ELOVL5: variants seen among roughly 807,000 people sequenced by gnomAD.
ELOVL5 encodes very long chain fatty acid elongase 5.
Under a neutral mutation model 38.6 loss-of-function variants are expected in ELOVL5, and 8 were observed. That is an observed-to-expected ratio of 0.21 (90% CI 0.12 to 0.37). The LOEUF is 0.37. ELOVL5 is among the 10% of genes least tolerant of loss of function. The pLI is 1.00. For missense variants in ELOVL5, 280 were observed against 367.8 expected, an observed-to-expected ratio of 0.76 and a Z score of 1.95; for synonymous variants, 127 against 133.7, an observed-to-expected ratio of 0.95 and a Z score of 0.34.
At chr6:53,295,752 T>C in intron 1 of ELOVL5, 45 bp from the exon 2 acceptor site, 16 of 1,179,834 alleles carry the variant, frequency 1.4e-5, no homozygotes, top group Middle Eastern at 2.0e-4. Flanking sequence ...ACTCAAAATG[T>C]TTTTTATACA....
chr6:53,319,270 C>CAAAAAAAAAAA (rs59435925), intron 1 of ELOVL5, among the ~76,000 whole-genome samples: 9 of 74,898 alleles, frequency 1.2e-4, no homozygotes, highest in Non-Finnish European at 2.1e-4. Context: ...GACTCCATCT[C>CAAAAAAAAAAA]AAAAAAAAAA....
intron 1 of ELOVL5, among the ~76,000 whole-genome samples, chr6:53,325,677 G>A (rs1274831169): frequency 6.6e-6 from 1 of 152,198 alleles, no homozygotes; most frequent in African/African-American, 2.4e-5. Context: ...TCACTTAAAA[G>A]ACTGGTAGGT....
At chr6:53,335,904 G>A (rs939180369) in intron 1 of ELOVL5, among the ~76,000 whole-genome samples, 1 of 152,182 alleles carries the variant, frequency 6.6e-6, no homozygotes, top group Non-Finnish European at 1.5e-5. Context: ...CTGCTCGGAA[G>A]ACTGAGGCCA....
At chr6:53,293,599 T>C (rs1010239418) in intron 2 of ELOVL5, among the ~76,000 whole-genome samples, 4 of 152,138 alleles carry the variant, frequency 2.6e-5, no homozygotes, top group South Asian at 4.2e-4. Flanking sequence ...ATTACAGGAG[T>C]GAACCACCAC....
chr6:53,331,300 T>G (rs1472222337), intron 1 of ELOVL5, among the ~76,000 whole-genome samples: 1 of 152,124 alleles, frequency 6.6e-6, no homozygotes, highest in East Asian at 1.9e-4. Flanking sequence ...CACTCCAGCA[T>G]GAATGACAGA....
rs147966428 is a variant in ELOVL5, at chr6:53,294,225, A to C, written c.58+1417T>G. 2.5e-4 allele frequency: 382 copies of C among 1,498,496 alleles called. 2 individuals carry two copies. In the East Asian group the frequency reaches 9.2e-3, roughly 36 times the overall value. The allele number at this position is 1,498,496 out of a possible 1,614,324, so 92.8% of individuals were successfully genotyped here. On this transcript the variant is annotated intron_variant, in intron 2 of 7. Coordinates refer to ENST00000304434, the MANE Select transcript of ELOVL5 (RefSeq NM_021814.5). ...CCTGACCCGAACTCCAGCCCCAGGTAGAGAATCCTTAGGATCTAGTCAATC... is the reference window on the plus strand; with the variant it reads ...CCTGACCCGAACTCCAGCCCCAGGTCGAGAATCCTTAGGATCTAGTCAATC...
At chr6:53,288,770 G>C (rs1766663708) in intron 3 of ELOVL5, among the ~76,000 whole-genome samples, 2 of 152,056 alleles carry the variant, frequency 1.3e-5, no homozygotes, top group South Asian at 4.1e-4. Flanking sequence ...CTTCTTTCAA[G>C]ACTTCTTCCT....
chr6:53,305,299 C>A (rs1370615218), intron 1 of ELOVL5, among the ~76,000 whole-genome samples: 1 of 142,022 alleles, frequency 7.0e-6, no homozygotes, highest in African/African-American at 2.7e-5. Context: ...CCCCTCACCT[C>A]CCGGACAGGG....
intron 1 of ELOVL5, among the ~76,000 whole-genome samples, chr6:53,321,717 C>G (rs1768310212): frequency 6.6e-6 from 1 of 152,290 alleles, no homozygotes; most frequent in African/African-American, 2.4e-5. Flanking sequence ...TAATGTAAAA[C>G]ACTATACTAG....
intron 7 of ELOVL5, among the ~76,000 whole-genome samples, chr6:53,269,787 T>C (rs773349553): frequency 3.9e-5 from 6 of 152,220 alleles, no homozygotes; most frequent in African/African-American, 1.4e-4. Flanking sequence ...TTGTAGCTGG[T>C]GTATGTCCCA....
At chr6:53,294,662 T>C (rs141728050) in intron 2 of ELOVL5, among the ~76,000 whole-genome samples, 99 of 152,336 alleles carry the variant, frequency 6.5e-4, no homozygotes, top group African/African-American at 2.3e-3. Context: ...AGTAAGGCAC[T>C]ATCCCAACCC....
intron 1 of ELOVL5, among the ~76,000 whole-genome samples, chr6:53,303,756 A>G (rs1029453496): frequency 2.0e-5 from 3 of 152,218 alleles, no homozygotes; most frequent in African/African-American, 7.2e-5. Flanking sequence ...AGAAGCCTCC[A>G]CTTCCTGCTC....
chr6:53,316,070 A>C (rs1273709166), intron 1 of ELOVL5, among the ~76,000 whole-genome samples: 1 of 152,226 alleles, frequency 6.6e-6, no homozygotes, highest in African/African-American at 2.4e-5. Context: ...GTGAGGATTA[A>C]ATGAGATAAT....
intron 1 of ELOVL5, among the ~76,000 whole-genome samples, chr6:53,316,439 G>C (rs916218956): frequency 6.6e-6 from 1 of 152,068 alleles, no homozygotes; most frequent in Non-Finnish European, 1.5e-5. Flanking sequence ...TTGCTAGTGG[G>C]GATCAGACAG....
At chr6:53,334,427 A>C (rs755109854) in intron 1 of ELOVL5, among the ~76,000 whole-genome samples, 3 of 152,136 alleles carry the variant, frequency 2.0e-5, no homozygotes, top group African/African-American at 7.2e-5. Context: ...TTAATTTACT[A>C]ATTTTTAAGT....
intron 1 of ELOVL5, among the ~76,000 whole-genome samples, chr6:53,304,870 C>G (rs529885125): frequency 1.3e-5 from 2 of 152,350 alleles, no homozygotes; most frequent in Admixed American, 1.3e-4. Flanking sequence ...AATCTTTTCC[C>G]CACCTTTCCC....
chr6:53,275,223 G>A lies in ELOVL5; in HGVS notation c.363C>T (p.Leu121=). 6.2e-7 allele frequency: 1 copy of A among 1,614,176 alleles called. No homozygotes were observed. The highest frequency in any genetic ancestry group is 8.5e-7 in the Non-Finnish European group (1 of 1,180,020). The part of the protein sequence containing the change: ...RVLWWYYFSK[L]IEFMDTFFFI... ...AGAAGAAAGTGTCCATAAATTCTAT[G>A]AGTTTGGAGAAGTAGTACCACCAGA... The change falls in exon 5 of 8, where the codon CTC becomes CTT. Residue 121 remains leucine, a synonymous_variant. Transcript: ENST00000304434.
At chr6:53,287,743 C>T in intron 3 of ELOVL5, 1 of 845,590 alleles carries the variant, frequency 1.2e-6, no homozygotes, top group Non-Finnish European at 1.9e-6. Flanking sequence ...GAGTAGAGCT[C>T]AGCATAACAG....
chr6:53,318,431 G>A (rs1768145714), intron 1 of ELOVL5, among the ~76,000 whole-genome samples: 1 of 152,154 alleles, frequency 6.6e-6, no homozygotes, highest in African/African-American at 2.4e-5. Flanking sequence ...CATTTAGCAT[G>A]GAGCTTTGCT....
Sources: allele counts gnomAD v4.1 joint callset (sites outside exome capture counted in the v4.1 genomes callset), GRCh38; gene constraint gnomAD v4.1.1; transcripts MANE v1.5; gene names NCBI Gene and HGNC (gene_info 2026-07-23, HGNC 2026-07-21).